The following GRIK2 variants were observed in gnomAD, a reference collection of about 807,000 sequenced individuals.
The protein encoded by GRIK2 is glutamate ionotropic receptor kainate type subunit 2, also known as glutamate receptor ionotropic, kainate 2.
In GRIK2, 32 loss-of-function variants were observed where a neutral mutation model predicts 100.3. The observed-to-expected ratio is 0.32, with a 90% CI of 0.24 to 0.43. The LOEUF is 0.43. Among genes scored for constraint, GRIK2 ranks in the 20% least tolerant of loss-of-function variants. The pLI, the probability that GRIK2 is intolerant of heterozygous loss-of-function variation, is 1.00. For missense variants in GRIK2, 843 were observed against 1,114.9 expected (o/e 0.76, Z 3.47); for synonymous variants, 417 against 389.4 (o/e 1.07, Z -0.83).
In GRIK2 at chr6:101,732,742, C is replaced by T. The variant is rs186696165; in HGVS notation, c.951+46389C>T. On this transcript the variant is annotated intron_variant, in intron 7 of 16. Transcript: ENST00000369134. ...CCAAGTAAATCTGAGCATTCACTTT[C>T]CTGCTCAAAACCTTGCAATCATCTC... 8.5e-5 allele frequency among the ~76,000 whole-genome samples: 13 copies of T among 152,190 alleles called. No individual in the cohort carries two copies. In the East Asian group the frequency reaches 2.1e-3, roughly 25 times the overall value.
chr6:101,425,220 A>G (rs999339058), intron 2 of GRIK2, among the ~76,000 whole-genome samples: 1 of 152,192 alleles, frequency 6.6e-6, no homozygotes, highest in Non-Finnish European at 1.5e-5. Flanking sequence ...TTCTGGTTCT[A>G]GATCCCTGAG....
At chr6:101,627,102 TGC>T (rs1780493997) in intron 4 of GRIK2, among the ~76,000 whole-genome samples, 1 of 142,122 alleles carries the variant, frequency 7.0e-6, no homozygotes, top group Non-Finnish European at 1.5e-5. Flanking sequence ...TGTGTGTGTG[TGC>T]GTGTGTGTGT....
At chr6:101,421,201 C>G (rs1359811614) in intron 2 of GRIK2, among the ~76,000 whole-genome samples, 1 of 152,200 alleles carries the variant, frequency 6.6e-6, no homozygotes, top group African/African-American at 2.4e-5. Context: ...AGATACTGAT[C>G]TGCTGCTACC....
intron 2 of GRIK2, among the ~76,000 whole-genome samples, chr6:101,610,363 ACTATTT>A (rs1231312879): frequency 6.6e-6 from 1 of 151,778 alleles, no homozygotes; most frequent in Non-Finnish European, 1.5e-5. Flanking sequence ...CTTTTAAATT[ACTATTT>A]CTGGATTAAA....
chr6:101,936,274 C>G (rs1214181691), intron 14 of GRIK2, among the ~76,000 whole-genome samples: 1 of 151,914 alleles, frequency 6.6e-6, no homozygotes, highest in Admixed American at 6.6e-5. Flanking sequence ...TTTTTATAGT[C>G]ATATAATTTT....
At chr6:101,949,327 C>A (rs936119232) in intron 14 of GRIK2, among the ~76,000 whole-genome samples, 1 of 152,062 alleles carries the variant, frequency 6.6e-6, no homozygotes, top group South Asian at 2.1e-4. Context: ...TTAATTTACA[C>A]ACTCAGGTTT....
At chr6:101,639,748 T>A (rs1781198460) in intron 4 of GRIK2, among the ~76,000 whole-genome samples, 1 of 152,140 alleles carries the variant, frequency 6.6e-6, no homozygotes, top group Non-Finnish European at 1.5e-5. Context: ...AGCATCTAAC[T>A]TTTTCAGAAT....
chr6:101,830,831 G>T (rs1275847196), intron 10 of GRIK2, among the ~76,000 whole-genome samples: 3 of 151,916 alleles, frequency 2.0e-5, no homozygotes, highest in Admixed American at 6.6e-5. Flanking sequence ...ATTAAAAATA[G>T]AATTGCCATG....
intron 10 of GRIK2, among the ~76,000 whole-genome samples, chr6:101,856,862 T>C (rs1040229927): frequency 6.6e-6 from 1 of 152,030 alleles, no homozygotes. Flanking sequence ...AATGAGTAAA[T>C]AAAAGAATTA....
chr6:101,566,525 A>G (rs1354895297), intron 2 of GRIK2, among the ~76,000 whole-genome samples: 1 of 151,810 alleles, frequency 6.6e-6, no homozygotes, highest in Non-Finnish European at 1.5e-5. Context: ...TAGTATAACA[A>G]TTTTGAATTT....
At chr6:101,745,599 T>G (rs762104445) in intron 7 of GRIK2, among the ~76,000 whole-genome samples, 5 of 152,216 alleles carry the variant, frequency 3.3e-5, no homozygotes, top group Non-Finnish European at 5.9e-5. Context: ...AATTTAGTTT[T>G]CTTTCAACTA....
intron 2 of GRIK2, among the ~76,000 whole-genome samples, chr6:101,512,516 A>G (rs1335501798): frequency 1.3e-5 from 2 of 152,098 alleles, no homozygotes; most frequent in Non-Finnish European, 2.9e-5. Context: ...ATGCATTTCC[A>G]TCTCACTTGA....
intron 2 of GRIK2, among the ~76,000 whole-genome samples, chr6:101,582,438 C>T (rs1778147092): frequency 6.6e-6 from 1 of 152,118 alleles, no homozygotes. Context: ...TTTCCCCCTT[C>T]GCTTGGCTCT....
In GRIK2 at chr6:101,717,195, CAA is replaced by C. The variant is rs568485778; in HGVS notation, c.951+30843_951+30844del. ...GTAAATGAGGTATATAAAAAGGAGT[CAA>C]GAGTAGGAGCAAACAATGAAAGCAG... On this transcript the variant is annotated intron_variant, in intron 7 of 16. Coordinates refer to ENST00000369134, the MANE Select transcript of GRIK2 (RefSeq NM_021956.5). Among the ~76,000 whole-genome samples, 6 of 151,586 alleles carry C rather than the reference CAA, an allele frequency of 4.0e-5. No homozygotes were observed. The East Asian group carries it at 1.2e-3, about 30-fold the overall frequency.
intron 2 of GRIK2, among the ~76,000 whole-genome samples, chr6:101,592,558 G>A (rs1234357799): frequency 7.2e-6 from 1 of 138,120 alleles, no homozygotes; most frequent in African/African-American, 2.7e-5. Context: ...AAGCGATTCT[G>A]GAAGTCATGG....
chr6:101,993,569 C>T (rs564465674), intron 14 of GRIK2: 5 of 150,940 alleles, frequency 3.3e-5, no homozygotes, highest in Non-Finnish European at 5.9e-5. Flanking sequence ...TAAATTTGAA[C>T]ATTTTTGATA....
intron 11 of GRIK2, among the ~76,000 whole-genome samples, chr6:101,866,670 T>C (rs900628242): frequency 1.3e-5 from 2 of 152,148 alleles, no homozygotes; most frequent in Admixed American, 6.5e-5. Flanking sequence ...CATTAGACTA[T>C]TTGAATTTGG....
At chr6:101,577,792 A>G (rs1777860346) in intron 2 of GRIK2, among the ~76,000 whole-genome samples, 1 of 152,202 alleles carries the variant, frequency 6.6e-6, no homozygotes, top group Non-Finnish European at 1.5e-5. Context: ...ATAAGTTAAC[A>G]CAATGTATAT....
intron 14 of GRIK2, among the ~76,000 whole-genome samples, chr6:102,012,475 T>C (rs1795601145): frequency 6.6e-6 from 1 of 152,206 alleles, no homozygotes; most frequent in African/African-American, 2.4e-5. Flanking sequence ...TTCCTATCCA[T>C]GAACATGAAT....
Sources: allele counts gnomAD v4.1 joint callset (sites outside exome capture counted in the v4.1 genomes callset), GRCh38; gene constraint gnomAD v4.1.1; transcripts MANE v1.5; gene names NCBI Gene and HGNC (gene_info 2026-07-23, HGNC 2026-07-21).